Variants in FGF12 observed in about 807,000 individuals in gnomAD.
FGF12 encodes fibroblast growth factor 12.
FGF12 carries 14 observed loss-of-function variants against 23.6 expected under a neutral mutation model. The observed-to-expected ratio is 0.59, with a 90% CI of 0.39 to 0.93. FGF12 has a LOEUF of 0.93. Among genes scored for constraint, FGF12 ranks in the 40% least tolerant of loss-of-function variants. The probability of loss-of-function intolerance (pLI) is 0.00; values close to 1 mark genes in which losing one functional copy is unlikely to be tolerated. For missense variants in FGF12, 175 were observed against 217.8 expected, an observed-to-expected ratio of 0.80 and a Z score of 1.24; for synonymous variants, 62 against 77.3, an observed-to-expected ratio of 0.80 and a Z score of 1.04.
chr3:192,464,399 A>C (rs1408732404), intron 2 of FGF12, among the ~76,000 whole-genome samples: 1 of 151,222 alleles, frequency 6.6e-6, no homozygotes, highest in Non-Finnish European at 1.5e-5. Flanking sequence ...TTGGTTTTCT[A>C]TTCCGGAGTT....
At chr3:192,357,760 T>A (rs1195469870) in intron 3 of FGF12, among the ~76,000 whole-genome samples, 1 of 152,034 alleles carries the variant, frequency 6.6e-6, no homozygotes, top group African/African-American at 2.4e-5. Flanking sequence ...GGAAAGAAGA[T>A]CAAAAATAAA....
At chr3:192,581,119 A>T (rs1260831444) in intron 2 of FGF12, among the ~76,000 whole-genome samples, 1 of 152,204 alleles carries the variant, frequency 6.6e-6, no homozygotes, top group Non-Finnish European at 1.5e-5. Context: ...GGGAATGGTT[A>T]ATTATGAAAT....
At chr3:192,572,648 G>A (rs1203288463) in intron 2 of FGF12, among the ~76,000 whole-genome samples, 1 of 152,104 alleles carries the variant, frequency 6.6e-6, no homozygotes, top group Non-Finnish European at 1.5e-5. Context: ...ACCACTCACT[G>A]GGGCCAAATA....
intron 2 of FGF12, among the ~76,000 whole-genome samples, chr3:192,561,584 G>A (rs374080622): frequency 4.8e-4 from 73 of 152,140 alleles, no homozygotes; most frequent in South Asian, 1.5e-3. Context: ...GGATAGTCTC[G>A]ATCTCCTGAC....
Position 192,391,385 on chromosome 3 carries a change from G to A in FGF12, c.14-30847C>T, listed in dbSNP as rs79514551. Among the ~76,000 whole-genome samples the A allele has an allele frequency of 3.9e-3, 597 of 152,262 alleles. 6 individuals are homozygous for A. The highest frequency in any genetic ancestry group is 0.014 in the African/African-American group (564 of 41,556). On this transcript the variant is annotated intron_variant, in intron 2 of 5. Transcript: ENST00000445105. ...AAAATCTCTTATGAAAATCCTAAGA[G>A]TTTGGTTAACGTTAAAAAATAATAA... is the stretch of plus-strand genomic sequence containing the variant.
rs892840423 is a variant in FGF12 at position 192,514,392 on chromosome 3, G to T, written c.14-153854C>A. ...GCGAACGCAGGTCACGGCCAGCGCC[G>T]CTTGGAGAGAGACCCGCAGGTTTCA... On this transcript the variant is annotated intron_variant, in intron 2 of 5. Transcript: ENST00000445105. The surrounding 1 kb of genome is among the most constrained non-coding windows in gnomAD (Gnocchi z 4.9). Among the ~76,000 whole-genome samples, 1 of 152,234 alleles carries T rather than the reference G, an allele frequency of 6.6e-6. No individual in the cohort carries two copies.
chr3:192,557,791 C>T lies in FGF12; in HGVS notation c.13+169390G>A, dbSNP rs144162334. On this transcript the variant is annotated intron_variant, in intron 2 of 5. Coordinates refer to ENST00000445105, the MANE Select transcript of FGF12 (RefSeq NM_004113.6). ...TACAAAAATCAATCAAGGTGATATA[C>T]CATAATAACAAAATGAAGGGTAATA... is the stretch of plus-strand genomic sequence containing the variant. 4.5e-3 allele frequency among the ~76,000 whole-genome samples: 688 copies of T among 151,648 alleles called. 7 individuals carry two copies. Among genetic ancestry groups the T allele is most frequent in the African/African-American group, 0.016 (657 of 41,430 alleles).
intron 2 of FGF12, among the ~76,000 whole-genome samples, chr3:192,528,570 C>A (rs371251730): frequency 6.6e-6 from 1 of 152,146 alleles, no homozygotes; most frequent in Non-Finnish European, 1.5e-5. Flanking sequence ...CTAGACAGTG[C>A]CCCAGTAGGG....
At chr3:192,707,909 G>T (rs908808577) in intron 2 of FGF12, among the ~76,000 whole-genome samples, 1 of 151,950 alleles carries the variant, frequency 6.6e-6, no homozygotes, top group East Asian at 1.9e-4. Context: ...CTCTTCCATG[G>T]ACAACAGGAA....
At chr3:192,237,846 G>C (rs190994126) in intron 4 of FGF12, among the ~76,000 whole-genome samples, 115 of 152,258 alleles carry the variant, frequency 7.6e-4, no homozygotes, top group Non-Finnish European at 1.3e-3. Flanking sequence ...TTTCATTCTG[G>C]TTAAGAACCA....
rs527492911 is a variant in FGF12 at position 192,353,887 on chromosome 3, A to T, written c.124+6541T>A. Reference sequence around the variant, plus strand: ...GTCAATGAAAACAAATTTCTAACAAATTTAGAACATCTGTTTAATTTTTTG... The same window carrying T: ...GTCAATGAAAACAAATTTCTAACAATTTTAGAACATCTGTTTAATTTTTTG... On this transcript the variant is annotated intron_variant, in intron 3 of 5. Coordinates refer to ENST00000445105, the MANE Select transcript of FGF12 (RefSeq NM_004113.6). 9.2e-5 allele frequency among the ~76,000 whole-genome samples: 14 copies of T among 152,322 alleles called. No individual in the cohort carries two copies. The South Asian group carries it at 2.3e-3, about 25-fold the overall frequency.
intron 2 of FGF12, among the ~76,000 whole-genome samples, chr3:192,524,645 A>G (rs1049026253): frequency 6.6e-6 from 1 of 152,230 alleles, no homozygotes; most frequent in African/African-American, 2.4e-5. Flanking sequence ...ACGTATGTAT[A>G]TATCTTTCTG....
chr3:192,641,397 G>T (rs1177055051), intron 2 of FGF12, among the ~76,000 whole-genome samples: 1 of 36,994 alleles, frequency 2.7e-5, no homozygotes, highest in East Asian at 1.4e-3. Flanking sequence ...GAGCCACCGC[G>T]CCCGGCCTTT....
At chr3:192,351,167 C>A (rs13064217) in intron 3 of FGF12, among the ~76,000 whole-genome samples, 34,089 of 152,066 alleles carry the variant, frequency 0.22, 4,058 homozygotes, top group Admixed American at 0.29. Context: ...AAACAAAAAT[C>A]ATTGTCATCT....
intron 2 of FGF12, among the ~76,000 whole-genome samples, chr3:192,443,871 G>T (rs1722275520): frequency 6.6e-6 from 1 of 152,172 alleles, no homozygotes; most frequent in Non-Finnish European, 1.5e-5. Context: ...CAGGAGAATA[G>T]CAGGTGGGGC....
intron 4 of FGF12, among the ~76,000 whole-genome samples, chr3:192,276,888 TAGAC>T (rs1365671654): frequency 2.0e-5 from 3 of 152,196 alleles, no homozygotes; most frequent in Admixed American, 6.5e-5. Context: ...AAGAAAAATC[TAGAC>T]AGACAGGTCT....
intron 2 of FGF12, among the ~76,000 whole-genome samples, chr3:192,624,143 G>A (rs563860810): frequency 1.3e-5 from 2 of 151,546 alleles, no homozygotes; most frequent in East Asian, 3.9e-4. Context: ...ACTTTCCATA[G>A]AAATATACAT....
intron 2 of FGF12, among the ~76,000 whole-genome samples, chr3:192,425,341 C>A (rs1236451575): frequency 1.3e-5 from 2 of 152,092 alleles, no homozygotes; most frequent in Admixed American, 1.3e-4. Flanking sequence ...AGGGTCCTTA[C>A]AAGGTTTCAC....
chr3:192,379,390 C>T (rs1338703199), intron 2 of FGF12, among the ~76,000 whole-genome samples: 2 of 148,004 alleles, frequency 1.4e-5, no homozygotes, highest in African/African-American at 5.0e-5. Flanking sequence ...CTACACCTTC[C>T]ACTCAATTTT....
Sources: gnomAD v4.1 joint callset for allele counts (sites outside exome capture counted in the v4.1 genomes callset) on GRCh38, gnomAD v4.1.1 for gene constraint, Gnocchi (gnomAD v3.1) non-coding constraint, MANE v1.5 for transcripts, NCBI Gene and HGNC (gene_info 2026-07-23, HGNC 2026-07-21) for gene names.